Variants in ZPLD1 observed in about 807,000 individuals in gnomAD.
ZPLD1 encodes the protein zona pellucida-like domain-containing protein 1.
Under a neutral mutation model 47.2 loss-of-function variants are expected in ZPLD1, and 34 were observed. The observed-to-expected ratio is 0.72, with a 90% confidence interval of 0.55 to 0.96. The LOEUF (loss-of-function observed/expected upper bound fraction) is 0.96, where lower values mean the gene tolerates loss of function less well. Among genes scored for constraint, ZPLD1 ranks in the 40% least tolerant of loss-of-function variants. The pLI is 0.00. For synonymous variants in ZPLD1, 176 were observed against 186.2 expected (o/e 0.95, Z 0.45); for missense variants, 512 against 505.8 (o/e 1.01, Z -0.12).
Position 102,470,375 on chromosome 3 carries a change from G to C in ZPLD1, c.934-19G>C. The C allele has an allele frequency of 6.2e-7, 1 of 1,606,114 alleles. No homozygotes were observed. Among genetic ancestry groups the C allele is most frequent in the South Asian group, 1.1e-5 (1 of 90,850 alleles). ...TCTGCGCCGGTGTGGAATTTCATTT[G>C]TTTTCATTAACACCTCAGATTTGCA... On this transcript the variant is annotated intron_variant, in intron 9 of 11. Transcript: ENST00000466937.
chr3:102,420,168 A>C (rs982929708), intron 8 of ZPLD1, among the ~76,000 whole-genome samples: 1 of 151,946 alleles, frequency 6.6e-6, no homozygotes, highest in African/African-American at 2.4e-5. Context: ...GAGGCAAAGA[A>C]AGGTACACCT....
chr3:102,440,791 G>C (rs1707165630), intron 3 of ZPLD1, among the ~76,000 whole-genome samples: 1 of 150,792 alleles, frequency 6.6e-6, no homozygotes, highest in African/African-American at 2.4e-5. Context: ...GAAAAGAAAG[G>C]AGCAACCTGA....
chr3:102,468,920 G>A, intron 8 of ZPLD1, 44 bp from the exon 9 acceptor site: 1 of 1,569,788 alleles, frequency 6.4e-7, no homozygotes, highest in Non-Finnish European at 8.6e-7. Context: ...CAGTAGGTTG[G>A]TACTTTCCAG....
chr3:102,391,609 T>A (rs1429936882), intron 6 of ZPLD1, among the ~76,000 whole-genome samples: 1 of 152,018 alleles, frequency 6.6e-6, no homozygotes, highest in African/African-American at 2.4e-5. Context: ...AAGGATCCAA[T>A]AGCCAGAACC....
upstream of ZPLD1, among the ~76,000 whole-genome samples, chr3:102,434,698 G>C (rs1160788366): frequency 2.6e-5 from 4 of 152,004 alleles, no homozygotes; most frequent in Non-Finnish European, 5.9e-5. Context: ...TGTATTATTG[G>C]ATGTATTAGA....
intron 8 of ZPLD1, among the ~76,000 whole-genome samples, 197 bp downstream of exon 8, chr3:102,464,448 A>T (rs1029494593): frequency 6.6e-6 from 1 of 152,232 alleles, no homozygotes; most frequent in Non-Finnish European, 1.5e-5. Flanking sequence ...AATGCTGATA[A>T]GGCTATTGTT....
chr3:102,462,425 C>A, intron 7 of ZPLD1, 47 bp downstream of exon 7: 1 of 1,321,390 alleles, frequency 7.6e-7, no homozygotes. Context: ...CTTTGACTGC[C>A]TAAATCCTCA....
At chr3:102,416,429 T>G (rs1020089129) in intron 7 of ZPLD1, among the ~76,000 whole-genome samples, 2 of 151,910 alleles carry the variant, frequency 1.3e-5, no homozygotes. Flanking sequence ...GCATTTTCAT[T>G]TTAAATTTTA....
intron 8 of ZPLD1, among the ~76,000 whole-genome samples, chr3:102,422,051 A>G (rs1161282390): frequency 6.6e-6 from 1 of 152,056 alleles, no homozygotes; most frequent in Non-Finnish European, 1.5e-5. Context: ...TAAACAGTAA[A>G]GCATTATCTT....
At chr3:102,389,366 G>A (rs1288884664) in intron 6 of ZPLD1, among the ~76,000 whole-genome samples, 1 of 152,138 alleles carries the variant, frequency 6.6e-6, no homozygotes, top group East Asian at 1.9e-4. Flanking sequence ...TTCTTAGTGG[G>A]AGGGCTTTAA....
chr3:102,476,573 A>G (rs1707761102), intron 10 of ZPLD1, among the ~76,000 whole-genome samples: 1 of 152,196 alleles, frequency 6.6e-6, no homozygotes, highest in South Asian at 2.1e-4. Flanking sequence ...TACTTAAAAT[A>G]GAGTGGCACT....
intron 3 of ZPLD1, among the ~76,000 whole-genome samples, chr3:102,444,186 T>G (rs953496433): frequency 6.6e-6 from 1 of 152,222 alleles, no homozygotes; most frequent in Non-Finnish European, 1.5e-5. Flanking sequence ...CTGAAAAAGA[T>G]GACCAAACTT....
chr3:102,456,669 C>T (rs1707422492), intron 5 of ZPLD1, among the ~76,000 whole-genome samples: 1 of 152,160 alleles, frequency 6.6e-6, no homozygotes, highest in Non-Finnish European at 1.5e-5. Flanking sequence ...AGCCAGTTGT[C>T]TGCCTTGGGT....
At chr3:102,471,929 C>T (rs1265623945) in intron 10 of ZPLD1, among the ~76,000 whole-genome samples, 5 of 152,096 alleles carry the variant, frequency 3.3e-5, no homozygotes, top group Non-Finnish European at 5.9e-5. Flanking sequence ...ATGTTTTCTT[C>T]ATTTTATATT....
intron 6 of ZPLD1, among the ~76,000 whole-genome samples, chr3:102,458,584 C>T (rs1707455782): frequency 1.3e-5 from 2 of 152,088 alleles, no homozygotes; most frequent in African/African-American, 2.4e-5. Flanking sequence ...CATCATGGCA[C>T]TGAGTTATAA....
At position 102,452,254 on chromosome 3, in the gene ZPLD1, A is replaced by AT. The variant is rs34069463; in HGVS notation, c.107-648dup. 2.0e-3 allele frequency among the ~76,000 whole-genome samples: 273 copies of AT among 133,376 alleles called. 1 individual carries two copies. Among genetic ancestry groups the AT allele is most frequent in the South Asian group, 7.0e-3 (29 of 4,134 alleles). 87.5% of individuals were successfully genotyped at this position (133,376 alleles called of 152,430 possible). Reference sequence around the variant, plus strand: ...TGTTTTACATTTCCATGTTTAGGTCATTTTTTTTTTTTTTTTTACTGAGGC... The same window carrying AT: ...TGTTTTACATTTCCATGTTTAGGTCATTTTTTTTTTTTTTTTTTACTGAGGC... On this transcript the variant is annotated intron_variant, in intron 3 of 11. Transcript: ENST00000466937.
At chr3:102,421,668 G>T (rs929040820) in intron 8 of ZPLD1, among the ~76,000 whole-genome samples, 7 of 151,832 alleles carry the variant, frequency 4.6e-5, no homozygotes, top group Admixed American at 2.0e-4. Flanking sequence ...CTTGGTAAAA[G>T]ATTGTATTGT....
Position 102,449,118 on chromosome 3 carries a change from G to T in ZPLD1, c.107-3801G>T, listed in dbSNP as rs1168639840. ...AATTACAAATGGATGGGAACTACCT[G>T]GCTCCCAGCCAGCCTGAGCATATTT... On this transcript the variant is annotated intron_variant, in intron 3 of 11. Transcript: ENST00000466937. Among the ~76,000 whole-genome samples the T allele has an allele frequency of 3.3e-5, 5 of 152,166 alleles. No individual in the cohort carries two copies. The East Asian group carries it at 9.6e-4, about 29-fold the overall frequency.
At position 102,463,922 on chromosome 3, in the gene ZPLD1, C is replaced by T. The variant is rs182784062; in HGVS notation, c.681-249C>T. Among the ~76,000 whole-genome samples, 618 of 148,662 alleles carry T rather than the reference C, an allele frequency of 4.2e-3. 4 individuals carry two copies. The highest frequency in any genetic ancestry group is 0.014 in the African/African-American group (582 of 40,408). On this transcript the variant is annotated intron_variant, in intron 7 of 11. Coordinates refer to ENST00000466937, the MANE Select transcript of ZPLD1 (RefSeq NM_001329788.2). ...AAAAATAGCCGGGCTTGGTGGCGGG[C>T]GCCTGTAGTCCCAGCTACTCGGGAG...
Sources: gnomAD v4.1 joint callset for allele counts (sites outside exome capture counted in the v4.1 genomes callset) on GRCh38, gnomAD v4.1.1 for gene constraint, MANE v1.5 for transcripts, NCBI Gene and HGNC (gene_info 2026-07-23, HGNC 2026-07-21) for gene names.